The following ARNT variants were observed in gnomAD, a reference collection of about 807,000 sequenced individuals.
The protein encoded by ARNT is aryl hydrocarbon receptor nuclear translocator, also known as class E basic helix-loop-helix protein 2.
A neutral mutation model predicts 105.0 loss-of-function variants in ARNT; 30 were observed. That is an observed-to-expected ratio of 0.29 (90% confidence interval 0.21 to 0.39). The LOEUF (loss-of-function observed/expected upper bound fraction) is 0.39. ARNT is among the 10% of genes least tolerant of loss of function. The pLI, the probability that ARNT is intolerant of heterozygous loss-of-function variation, is 1.00. For missense variants in ARNT, 748 were observed against 978.7 expected (o/e 0.76, Z 3.15); for synonymous variants, 304 against 344.0 (o/e 0.88, Z 1.29).
In ARNT at chr1:150,853,558, G is replaced by A. The variant is rs587665186; in HGVS notation, c.138-752C>T. 2.7e-4 allele frequency among the ~76,000 whole-genome samples: 41 copies of A among 152,288 alleles called. 1 individual carries two copies. The highest frequency in any genetic ancestry group is 1.3e-4 in the Non-Finnish European group (9 of 68,024). On this transcript the variant is annotated intron_variant, in intron 2 of 21. Coordinates refer to ENST00000358595, the MANE Select transcript of ARNT (RefSeq NM_001668.4). ...CATAAAGGAGTGACTTAATACCTACGAAGATTGTTAGATAATGTTTCTTTC... is the reference window on the plus strand; with the variant it reads ...CATAAAGGAGTGACTTAATACCTACAAAGATTGTTAGATAATGTTTCTTTC...
intron 11 of ARNT, 74 bp from the exon 12 acceptor site, chr1:150,829,301 C>A: frequency 6.8e-7 from 1 of 1,464,366 alleles, no homozygotes; most frequent in South Asian, 1.2e-5. Context: ...TCCTCATGGT[C>A]TTTTGCATAG....
At chr1:150,846,398 C>T in intron 3 of ARNT, 91 bp from the exon 4 acceptor site, 2 of 1,309,856 alleles carry the variant, frequency 1.5e-6, no homozygotes, top group Non-Finnish European at 2.1e-6. Flanking sequence ...TGAAAATATT[C>T]AATAGAAAAA....
chr1:150,832,461 G>A, intron 8 of ARNT, 62 bp from the exon 9 acceptor site: 1 of 1,471,712 alleles, frequency 6.8e-7, no homozygotes, highest in African/African-American at 1.4e-5. Context: ...ACTTTCCACA[G>A]TAATAGCAGA....
intron 2 of ARNT, among the ~76,000 whole-genome samples, chr1:150,854,379 G>A (rs1440199373): frequency 1.5e-5 from 2 of 131,296 alleles, no homozygotes; most frequent in Non-Finnish European, 3.1e-5. Flanking sequence ...GCAACACGGT[G>A]AAATCCCGTC....
chr1:150,812,528 C>T (rs1177884965), intron 21 of ARNT: 1 of 156,912 alleles, frequency 6.4e-6, no homozygotes, highest in African/African-American at 2.4e-5. Flanking sequence ...TCCCTCAGGA[C>T]TTGTGTAAAT....
chr1:150,832,492 C>T, intron 8 of ARNT, 93 bp from the exon 9 acceptor site: 1 of 1,176,474 alleles, frequency 8.5e-7, no homozygotes, highest in Non-Finnish European at 1.3e-6. Flanking sequence ...CTGGATACAA[C>T]CAGACATAGA....
Position 150,822,854 on chromosome 1 carries a change from T to C in ARNT, c.1394+340A>G, listed in dbSNP as rs10305725. Reference sequence around the variant, plus strand: ...GGATCTGATGCTATCTCCAAGTAGATAGTGAACTGAATTGAATGGAAGGAC... The same window carrying C: ...GGATCTGATGCTATCTCCAAGTAGACAGTGAACTGAATTGAATGGAAGGAC... On this transcript the variant is annotated intron_variant, in intron 14 of 21. Transcript: ENST00000358595. 1.4e-3 allele frequency among the ~76,000 whole-genome samples: 212 copies of C among 152,306 alleles called. 1 individual carries two copies. The highest frequency in any genetic ancestry group is 4.7e-3 in the African/African-American group (195 of 41,570).
rs1314955500 is a variant in ARNT, at chr1:150,814,107, G to C, written c.2083C>G (p.Pro695Ala). The C allele has an allele frequency of 3.1e-6, 5 of 1,614,018 alleles. No homozygotes were observed. The African/African-American group carries it at 5.3e-5, about 17-fold the overall frequency. ...TTAGATCCACGATTGGTGAGACTAG[G>C]GTAGGCAGCAGCACCAGGCGATGCA... Reference protein sequence around the residue: ...PTASPGAAAYPSLTNRGSNFA... With the variant: ...PTASPGAAAYASLTNRGSNFA... Residue 695 changes from proline to alanine, a missense_variant, in exon 20 of 22, where the codon CCT becomes GCT. Around this residue, in one of 4 missense-constraint regions of ARNT, gnomAD observed 360 missense variants for 411.9 expected, o/e 0.87. Coordinates refer to ENST00000358595, the MANE Select transcript of ARNT (RefSeq NM_001668.4).
rs1380603090 is a variant in ARNT, at chr1:150,835,029, G to A, written c.701-389C>T. Among the ~76,000 whole-genome samples, 8 of 151,830 alleles carry A rather than the reference G, an allele frequency of 5.3e-5. 1 individual carries two copies. The highest frequency in any genetic ancestry group is 1.9e-4 in the African/African-American group (8 of 41,330). Reference sequence around the variant, plus strand: ...TGTAGTCCCAGCTAATCAGGAGGCTGAGGCAGGAGGACTGCTTGAGGGCAG... The same window carrying A: ...TGTAGTCCCAGCTAATCAGGAGGCTAAGGCAGGAGGACTGCTTGAGGGCAG... On this transcript the variant is annotated intron_variant, in intron 7 of 21. Coordinates refer to ENST00000358595, the MANE Select transcript of ARNT (RefSeq NM_001668.4).
intron 1 of ARNT, among the ~76,000 whole-genome samples, chr1:150,867,223 A>AAC (rs1431996675): frequency 6.8e-5 from 5 of 73,674 alleles, no homozygotes; most frequent in African/African-American, 1.4e-4. Context: ...CAACAACAAC[A>AAC]AAAAAAAACA....
intron 14 of ARNT, 102 bp downstream of exon 14, chr1:150,823,092 G>T: frequency 8.2e-7 from 1 of 1,224,838 alleles, no homozygotes; most frequent in Non-Finnish European, 1.1e-6. Flanking sequence ...AAATTTTTGT[G>T]TTGTTGCTTG....
At chr1:150,828,307 G>A (rs778047272) in intron 12 of ARNT, among the ~76,000 whole-genome samples, 76 of 147,412 alleles carry the variant, frequency 5.2e-4, no homozygotes, top group Admixed American at 1.6e-3. Context: ...ATTGTATGAG[G>A]TAAGATCTAT....
intron 2 of ARNT, among the ~76,000 whole-genome samples, chr1:150,854,360 C>A (rs112940234): frequency 0.061 from 9,274 of 151,856 alleles, 965 homozygotes; most frequent in African/African-American, 0.21. Flanking sequence ...GAGTTTAAGA[C>A]CAGCCTGGGC....
At chr1:150,849,467 G>T (rs1437882165) in intron 3 of ARNT, among the ~76,000 whole-genome samples, 2 of 152,098 alleles carry the variant, frequency 1.3e-5, no homozygotes, top group Non-Finnish European at 2.9e-5. Flanking sequence ...TTTTCTGAAA[G>T]AACTCCTTCA....
chr1:150,813,180 C>T lies in ARNT; in HGVS notation c.2272G>A (p.Val758Ile). Reference protein sequence around the residue: ...PPAQQPGQPEVFQEMLSMLGD... With the variant: ...PPAQQPGQPEIFQEMLSMLGD... ...TCTTTTCACTCTCTTACCTGGAAGA[C>T]CTCAGGCTGGCCAGGTTGCTGTGCT... Residue 758 changes from valine to isoleucine, a missense_variant, in exon 21 of 22, where the codon GTC (valine) becomes ATC (isoleucine). Val to Ile is a conservative substitution (Grantham distance 29). This residue lies in a region of ARNT where 360 missense variants were observed against 411.9 expected (regional missense o/e 0.87). Transcript: ENST00000358595. The T allele has an allele frequency of 1.2e-6, 2 of 1,613,082 alleles. No individual in the cohort carries two copies. Among genetic ancestry groups the T allele is most frequent in the South Asian group, 2.2e-5 (2 of 90,714 alleles).
At chr1:150,864,401 GCACATATA>G (rs1666173457) in intron 1 of ARNT, among the ~76,000 whole-genome samples, 1 of 151,860 alleles carries the variant, frequency 6.6e-6, no homozygotes, top group South Asian at 2.1e-4. Context: ...AGAAAATGTG[GCACATATA>G]CACCATGGAA....
At chr1:150,872,376 T>C (rs1478190525) in intron 1 of ARNT, among the ~76,000 whole-genome samples, 2 of 152,244 alleles carry the variant, frequency 1.3e-5, no homozygotes, top group African/African-American at 4.8e-5. Flanking sequence ...AACTAAGTTA[T>C]ATAGGTGAAA....
intron 1 of ARNT, 148 bp from the exon 2 acceptor site, chr1:150,858,608 T>A: frequency 1.7e-6 from 1 of 597,508 alleles, no homozygotes; most frequent in Non-Finnish European, 2.9e-6. Context: ...TCCAGATTGC[T>A]CTTCTTGATT....
At chr1:150,874,946 AAAAAC>A (rs779486491) in intron 1 of ARNT, among the ~76,000 whole-genome samples, 49 of 152,144 alleles carry the variant, frequency 3.2e-4, no homozygotes, top group Non-Finnish European at 5.7e-4. Context: ...CTGTTGTTCA[AAAAAC>A]AAAACAAAAT....
Sources: gnomAD v4.1 joint callset for allele counts (sites outside exome capture counted in the v4.1 genomes callset) on GRCh38, gnomAD v4.1.1 for gene constraint, gnomAD v4.1.1 regional missense constraint, MANE v1.5 for transcripts, NCBI Gene and HGNC (gene_info 2026-07-23, HGNC 2026-07-21) for gene names.